Variants in DMKN observed in about 807,000 individuals in gnomAD.
DMKN encodes dermokine, also known as epidermis-specific secreted protein SK30/SK89.
Under a neutral mutation model 67.6 loss-of-function variants are expected in DMKN, and 58 were observed. That is an observed-to-expected ratio of 0.86 (90% confidence interval 0.69 to 1.07). The LOEUF is 1.07. Ranked by LOEUF, DMKN falls within the 50% of genes least tolerant of loss-of-function variation. The pLI is 0.00. For missense variants in DMKN, 596 were observed against 601.5 expected (o/e 0.99, Z 0.10); for synonymous variants, 240 against 232.3 (o/e 1.03, Z -0.30).
rs1226018250 is a variant in DMKN, at chr19:35,511,882, C to T, written c.685-69G>A. ...GAGACGTTGGCCTCGGCCATGGACA[C>T]AGGCCAGGCCTCTCCCATTCTTTGG... On this transcript the variant is annotated intron_variant, in intron 3 of 15. Transcript: ENST00000339686. The T allele has an allele frequency of 2.7e-6, 4 of 1,485,610 alleles. No individual in the cohort carries two copies. In the Admixed American group the frequency reaches 8.7e-5, roughly 32 times the overall value. 92.0% of individuals were successfully genotyped at this position (1,485,610 alleles called of 1,614,324 possible).
At chr19:35,506,399 C>A (rs912406089) in intron 7 of DMKN, 3 of 638,614 alleles carry the variant, frequency 4.7e-6, no homozygotes, top group Non-Finnish European at 8.5e-6. Flanking sequence ...CCCACCCAGT[C>A]CCCTGAATCT....
rs1045271347 is a variant in DMKN at position 35,513,542 on chromosome 19, G to A, written c.-67C>T. On this transcript the variant is annotated 5_prime_UTR_variant, in exon 1 of 16. Transcript: ENST00000339686. ...CCAGGGTCTCCTCCTTGCCGCCCTT[G>A]CTCTGCGTCTCTGTGCCCTCCTCTG... 3.0e-5 allele frequency: 45 copies of A among 1,525,226 alleles called. No individual in the cohort carries two copies. Among genetic ancestry groups the A allele is most frequent in the Non-Finnish European group, 3.7e-5 (42 of 1,146,702 alleles). The allele number at this position is 1,525,226 out of a possible 1,614,324, so 94.5% of individuals were successfully genotyped here.
rs561665831 is a variant in DMKN at position 35,500,831 on chromosome 19, G to A, written c.1240-251C>T. On this transcript the variant is annotated intron_variant, in intron 11 of 15. Transcript: ENST00000339686. ...TGCCGTGGGAGAGTTGGCAGCCCCAGCCTAAGACTGAGCTAGAACAAGTGA... is the reference window on the plus strand; with the variant it reads ...TGCCGTGGGAGAGTTGGCAGCCCCAACCTAAGACTGAGCTAGAACAAGTGA... Among the ~76,000 whole-genome samples, 3 of 152,324 alleles carry A rather than the reference G, an allele frequency of 2.0e-5. No individual in the cohort carries two copies. In the South Asian group the frequency reaches 6.2e-4, roughly 32 times the overall value.
chr19:35,500,102 C>T (rs2068099271), intron 12 of DMKN, 73 bp from the exon 13 acceptor site: 2 of 1,540,010 alleles, frequency 1.3e-6, no homozygotes, highest in South Asian at 1.1e-5. Flanking sequence ...AACATCCCAC[C>T]TTCCTGCCTG....
chr19:35,507,519 G>C (rs1202238149), intron 7 of DMKN: 1 of 1,551,380 alleles, frequency 6.4e-7, no homozygotes, highest in Admixed American at 2.0e-5. Context: ...TTCCTAGGGA[G>C]ACAGAAAACG....
At chr19:35,507,437 C>A in intron 7 of DMKN, 1 of 1,548,972 alleles carries the variant, frequency 6.5e-7, no homozygotes, top group Admixed American at 2.0e-5. Context: ...TAAAGCCAAC[C>A]CTGCCTGCCC....
intron 13 of DMKN, 172 bp from the exon 14 acceptor site, chr19:35,499,069 G>A (rs905736901): frequency 1.1e-4 from 98 of 886,838 alleles, no homozygotes; most frequent in African/African-American, 7.2e-4. Flanking sequence ...TTCACAGCAC[G>A]TTTATCATCC....
rs113646456 is a variant in DMKN, at chr19:35,513,341, G to A, written c.135C>T (p.Asp45=). 9.4e-5 allele frequency: 152 copies of A among 1,613,846 alleles called. No homozygotes were observed. The highest frequency in any genetic ancestry group is 5.2e-4 in the South Asian group (47 of 91,090). The change falls in exon 1 of 16, where the codon GAC becomes GAT. Residue 45 remains aspartate (D), a synonymous_variant. Coordinates refer to ENST00000339686, the MANE Select transcript of DMKN (RefSeq NM_033317.5). ...CCTTTCCCACCCCTTCGCTCAGGGC[G>A]TCTCCCAGGCCATGTCCAAGGGCCT... ...IGEALGHGLG[D]ALSEGVGKAI...
intron 9 of DMKN, among the ~76,000 whole-genome samples, chr19:35,505,400 G>A (rs1380600120): frequency 6.6e-6 from 1 of 152,068 alleles, no homozygotes; most frequent in African/African-American, 2.4e-5. Context: ...GTGCCCTCTA[G>A]GAGTCAATCT....
rs754959997 is a variant in DMKN at position 35,512,654 on chromosome 19, G to A, written c.563C>T (p.Pro188Leu). Residue 188 changes from proline to leucine, a missense_variant, in exon 2 of 16, where the codon CCT becomes CTT. Transcript: ENST00000339686. Reference sequence around the variant, plus strand: ...TCCTTGACCCCAGGGAGCTCCCTGAGGATTCATTCCAAAGCTGCCTGCTGA... The same window carrying A: ...TCCTTGACCCCAGGGAGCTCCCTGAAGATTCATTCCAAAGCTGCCTGCTGA... ...GNSAGSFGMN[P>L]QGAPWGQGGN... 3.0e-5 allele frequency: 48 copies of A among 1,614,208 alleles called. No homozygotes were observed. The highest frequency in any genetic ancestry group is 3.9e-5 in the Non-Finnish European group (46 of 1,180,032).
intron 7 of DMKN, 141 bp downstream of exon 7, chr19:35,509,770 C>T (rs2070360982): frequency 5.5e-6 from 5 of 910,104 alleles, no homozygotes; most frequent in Non-Finnish European, 6.8e-6. Context: ...TTTAGGAGTG[C>T]ATTTGGTTTC....
chr19:35,507,548 G>A, intron 7 of DMKN: 1 of 1,541,224 alleles, frequency 6.5e-7, no homozygotes, highest in Non-Finnish European at 8.8e-7. Flanking sequence ...TTGATGGGGA[G>A]GCAGGCGGGC....
intron 8 of DMKN, 52 bp downstream of exon 8, chr19:35,505,887 C>A: frequency 1.2e-6 from 2 of 1,614,062 alleles, no homozygotes; most frequent in Non-Finnish European, 1.7e-6. Context: ...GGGCCAAGGG[C>A]AGGGGTTGGT....
chr19:35,513,612 A>G lies in DMKN; in HGVS notation c.-137T>C. On this transcript the variant is annotated 5_prime_UTR_variant, in exon 1 of 16. Coordinates refer to ENST00000339686, the MANE Select transcript of DMKN (RefSeq NM_033317.5). ...CTGTCCTCCCTCCCTCTGGGTCTGC[A>G]GCCTTCTCTCTCCTGTCCTCAACTG... is the stretch of plus-strand genomic sequence containing the variant. 8.8e-7 allele frequency: 1 copy of G among 1,142,626 alleles called. No individual in the cohort carries two copies. The highest frequency in any genetic ancestry group is 1.2e-6 in the Non-Finnish European group (1 of 831,940). The allele number at this position is 1,142,626 out of a possible 1,614,324, so 70.8% of individuals were successfully genotyped here. A position where few individuals can be genotyped will look rare whatever the true frequency, so the allele number is the denominator to read the frequency against.
chr19:35,507,546 G>A, intron 7 of DMKN: 1 of 1,546,674 alleles, frequency 6.5e-7, no homozygotes, highest in Non-Finnish European at 8.8e-7. Flanking sequence ...AGTTGATGGG[G>A]AGGCAGGCGG....
intron 13 of DMKN, 137 bp downstream of exon 13, chr19:35,499,821 G>A (rs2068047213): frequency 1.2e-6 from 1 of 841,428 alleles, no homozygotes; most frequent in African/African-American, 1.7e-5. Context: ...CTTGCAAAGG[G>A]GTGGGGAGGC....
Position 35,511,597 on chromosome 19 carries a change from A to AG in DMKN, c.736-5dup. 1 of 1,611,522 alleles carries AG rather than the reference A, an allele frequency of 6.2e-7. No individual in the cohort carries two copies. Among genetic ancestry groups the AG allele is most frequent in the Non-Finnish European group, 8.5e-7 (1 of 1,179,460 alleles). Reference sequence around the variant, plus strand: ...CCGACTGTGAGCCGCTGCCTCCCTGAGGGGCAGGAAGGGAGCAGGGCTGGG... The same window carrying AG: ...CCGACTGTGAGCCGCTGCCTCCCTGAGGGGGCAGGAAGGGAGCAGGGCTGGG... On this transcript the variant is annotated splice_region_variant and splice_polypyrimidine_tract_variant and intron_variant, in intron 4 of 15. Transcript: ENST00000339686.
chr19:35,501,588 C>T (rs912782982), intron 11 of DMKN, among the ~76,000 whole-genome samples: 1 of 152,212 alleles, frequency 6.6e-6, no homozygotes, highest in African/African-American at 2.4e-5. Context: ...TCCTGTTTCT[C>T]AAAGGCTACT....
At chr19:35,499,323 G>A (rs374999853) in intron 13 of DMKN, 1 of 231,320 alleles carries the variant, frequency 4.3e-6, no homozygotes. Context: ...CTCTCCCCAA[G>A]GGCGGGGACT....
Sources: allele counts gnomAD v4.1 joint callset (sites outside exome capture counted in the v4.1 genomes callset), GRCh38; gene constraint gnomAD v4.1.1; transcripts MANE v1.5; gene names NCBI Gene and HGNC (gene_info 2026-07-23, HGNC 2026-07-21).